The following HS3ST4 variants were observed in gnomAD, a reference collection of about 807,000 sequenced individuals.
HS3ST4 encodes heparan sulfate glucosamine 3-O-sulfotransferase 4.
Under a neutral mutation model 29.2 loss-of-function variants are expected in HS3ST4, and 17 were observed. The ratio of observed to expected loss-of-function variants is 0.58; its 90% CI spans 0.40 to 0.87. The LOEUF is 0.87. Among genes scored for constraint, HS3ST4 ranks in the 40% least tolerant of loss-of-function variants. The pLI is 0.00. For missense variants in HS3ST4, 627 were observed against 634.5 expected, an observed-to-expected ratio of 0.99 and a Z score of 0.13; for synonymous variants, 314 against 285.7, an observed-to-expected ratio of 1.10 and a Z score of -1.00.
At chr16:25,787,947 A>G (rs1488820244) in intron 1 of HS3ST4, among the ~76,000 whole-genome samples, 2 of 152,174 alleles carry the variant, frequency 1.3e-5, no homozygotes, top group East Asian at 1.9e-4. Flanking sequence ...TTTGGAATGC[A>G]TTGTGTACGT....
At chr16:25,748,952 C>A (rs1378085047) in intron 1 of HS3ST4, among the ~76,000 whole-genome samples, 3 of 152,094 alleles carry the variant, frequency 2.0e-5, no homozygotes, top group Non-Finnish European at 4.4e-5. Flanking sequence ...ATATTCTTCC[C>A]ATTTTCTGAT....
Position 25,982,049 on chromosome 16 carries a change from CAG to C in HS3ST4, c.735-153561_735-153560del, listed in dbSNP as rs1345372920. On this transcript the variant is annotated intron_variant, in intron 1 of 1. Coordinates refer to ENST00000331351, the MANE Select transcript of HS3ST4 (RefSeq NM_006040.3). ...ATACTGAGACACACAGACACACACA[CAG>C]ACACACACATATGCACAGGGTTTCT... is the stretch of plus-strand genomic sequence containing the variant. Among the ~76,000 whole-genome samples the C allele has an allele frequency of 4.7e-3, 715 of 152,176 alleles. 9 individuals carry two copies. The highest frequency in any genetic ancestry group is 0.016 in the African/African-American group (680 of 41,522).
intron 1 of HS3ST4, among the ~76,000 whole-genome samples, chr16:26,022,200 C>T (rs1489657352): frequency 6.6e-6 from 1 of 152,076 alleles, no homozygotes; most frequent in Non-Finnish European, 1.5e-5. Flanking sequence ...AAATCCTGGC[C>T]TCAAGCTACC....
chr16:25,961,966 A>C (rs903789236), intron 1 of HS3ST4, among the ~76,000 whole-genome samples: 10 of 152,222 alleles, frequency 6.6e-5, no homozygotes, highest in African/African-American at 2.2e-4. Flanking sequence ...AGATAAGATG[A>C]TACTGTTGAT....
Position 25,892,048 on chromosome 16 carries a change from T to C in HS3ST4, c.734+198897T>C, listed in dbSNP as rs184739455. On this transcript the variant is annotated intron_variant, in intron 1 of 1. Transcript: ENST00000331351. The stretch of plus-strand genomic sequence containing the variant: ...ACTCAAGGCAAGGGTTTACTATTAT[T>C]ATCATCATCACTAAGTAGGTTCTCA... Among the ~76,000 whole-genome samples the C allele has an allele frequency of 1.5e-4, 23 of 152,314 alleles. 1 individual carries two copies. The highest frequency in any genetic ancestry group is 3.9e-4 in the East Asian group (2 of 5,182).
At chr16:25,769,066 A>G (rs1047495551) in intron 1 of HS3ST4, among the ~76,000 whole-genome samples, 3 of 152,200 alleles carry the variant, frequency 2.0e-5, no homozygotes, top group Admixed American at 6.5e-5. Flanking sequence ...GGGTCAGAAC[A>G]TGAAACCCAG....
chr16:25,721,423 C>A (rs1013469524), intron 1 of HS3ST4, among the ~76,000 whole-genome samples: 3 of 152,112 alleles, frequency 2.0e-5, no homozygotes, highest in Non-Finnish European at 4.4e-5. Context: ...TTTTTCCCCT[C>A]TGATGGCACA....
intron 1 of HS3ST4, among the ~76,000 whole-genome samples, chr16:25,792,475 C>T (rs189323269): frequency 5.5e-4 from 84 of 151,906 alleles, no homozygotes; most frequent in Non-Finnish European, 8.6e-4. Flanking sequence ...GTATAATTTC[C>T]CTTATTTATA....
intron 1 of HS3ST4, among the ~76,000 whole-genome samples, chr16:26,000,055 T>C (rs1339606714): frequency 1.3e-5 from 2 of 151,580 alleles, no homozygotes; most frequent in African/African-American, 4.8e-5. Flanking sequence ...TATTGCCCAA[T>C]CTGTTATCAT....
intron 1 of HS3ST4, among the ~76,000 whole-genome samples, chr16:25,814,707 A>C (rs558704819): frequency 9.5e-4 from 144 of 152,302 alleles, no homozygotes; most frequent in Non-Finnish European, 1.7e-3. Context: ...AAGTTCACAT[A>C]GTCAATGGGA....
chr16:25,748,656 A>T lies in HS3ST4; in HGVS notation c.734+55505A>T, dbSNP rs551567373. Reference sequence around the variant, plus strand: ...TTCTATGCAAAAAGGGTTTATCTCCATCCAAATATTATTCCATGTCATTAT... The same window carrying T: ...TTCTATGCAAAAAGGGTTTATCTCCTTCCAAATATTATTCCATGTCATTAT... On this transcript the variant is annotated intron_variant, in intron 1 of 1. Coordinates refer to ENST00000331351, the MANE Select transcript of HS3ST4 (RefSeq NM_006040.3). Among the ~76,000 whole-genome samples the T allele has an allele frequency of 5.3e-5, 8 of 152,328 alleles. No homozygotes were observed. The East Asian group carries it at 1.5e-3, about 29-fold the overall frequency.
intron 1 of HS3ST4, among the ~76,000 whole-genome samples, chr16:25,709,825 A>T (rs2141584329): frequency 6.6e-6 from 1 of 152,266 alleles, no homozygotes; most frequent in African/African-American, 2.4e-5. Flanking sequence ...CTAATTATTT[A>T]TTTAGAATAT....
chr16:25,862,684 TAC>T (rs66504543), intron 1 of HS3ST4, among the ~76,000 whole-genome samples: 17,712 of 152,288 alleles, frequency 0.12, 1,137 homozygotes, highest in African/African-American at 0.17. Flanking sequence ...TACCGTTTAG[TAC>T]TTACAGACAT....
In HS3ST4 at chr16:26,131,944, C is replaced by G. The variant is rs77451550; in HGVS notation, c.735-3668C>G. 9.1e-3 allele frequency among the ~76,000 whole-genome samples: 1,389 copies of G among 152,316 alleles called. 18 individuals carry two copies. Among genetic ancestry groups the G allele is most frequent in the African/African-American group, 0.032 (1,311 of 41,564 alleles). On this transcript the variant is annotated intron_variant, in intron 1 of 1. Transcript: ENST00000331351. ...GTGTTGAATTACTCTTGCTCAGCCA[C>G]TCAACTTAGAAACAAAATACATACT...
At chr16:25,929,460 G>A (rs1344673209) in intron 1 of HS3ST4, among the ~76,000 whole-genome samples, 1 of 152,148 alleles carries the variant, frequency 6.6e-6, no homozygotes. Context: ...TATCCTCCAG[G>A]TTTCCTACCT....
chr16:25,933,568 C>T (rs1968486557), intron 1 of HS3ST4, among the ~76,000 whole-genome samples: 1 of 152,152 alleles, frequency 6.6e-6, no homozygotes, highest in South Asian at 2.1e-4. Flanking sequence ...ATTTTCTCCC[C>T]ATTTACTAGA....
chr16:25,834,817 C>T (rs1418546684), intron 1 of HS3ST4, among the ~76,000 whole-genome samples: 5 of 151,990 alleles, frequency 3.3e-5, no homozygotes, highest in African/African-American at 7.2e-5. Flanking sequence ...TGTGGGGGCA[C>T]GTGCCTGTAA....
At chr16:25,798,875 C>T (rs62036284) in intron 1 of HS3ST4, among the ~76,000 whole-genome samples, 22,062 of 152,144 alleles carry the variant, frequency 0.15, 1,807 homozygotes, top group East Asian at 0.18. Context: ...TGCCCGTCTG[C>T]CTGTTCCAGC....
intron 1 of HS3ST4, among the ~76,000 whole-genome samples, chr16:25,988,414 G>A (rs1314004387): frequency 1.3e-5 from 2 of 152,086 alleles, no homozygotes; most frequent in African/African-American, 4.8e-5. Flanking sequence ...GGTCCTGGGC[G>A]GATCCCTTAT....
Sources: allele counts gnomAD v4.1 joint callset (sites outside exome capture counted in the v4.1 genomes callset), GRCh38; gene constraint gnomAD v4.1.1; transcripts MANE v1.5; gene names NCBI Gene and HGNC (gene_info 2026-07-23, HGNC 2026-07-21).